CD320: variants seen among roughly 807,000 people sequenced by gnomAD.
CD320 encodes CD320 antigen.
CD320 carries 16 observed loss-of-function variants against 22.1 expected under a neutral mutation model. The ratio of observed to expected loss-of-function variants is 0.73; its 90% CI spans 0.49 to 1.10. CD320 has a LOEUF of 1.10. Ranked by LOEUF, CD320 falls within the 50% of genes least tolerant of loss-of-function variation. CD320 has a pLI of 0.00. For synonymous variants in CD320, 188 were observed against 167.8 expected (o/e 1.12, Z -0.93); for missense variants, 388 against 376.9 (o/e 1.03, Z -0.24).
Position 8,308,098 on chromosome 19 carries a change from G to A in CD320, c.142+51C>T, listed in dbSNP as rs761885354. ...CTAGGCGTTGTCGGTGCGCGGCGGC[G>A]GGGCGAAGCCTCGCGAGGGGTGGGA... On this transcript the variant is annotated intron_variant, in intron 1 of 4. Transcript: ENST00000301458. 28 of 1,420,868 alleles carry A rather than the reference G, an allele frequency of 2.0e-5. No individual in the cohort carries two copies. The South Asian group carries it at 4.0e-4, about 20-fold the overall frequency. The allele number at this position is 1,420,868 out of a possible 1,614,324, so 88.0% of individuals were successfully genotyped here.
At chr19:8,303,397 G>GT (rs1010983863) in intron 3 of CD320, among the ~76,000 whole-genome samples, 12 of 151,952 alleles carry the variant, frequency 7.9e-5, no homozygotes, top group African/African-American at 2.9e-4. Flanking sequence ...GATTACAGGC[G>GT]TTAGCCACCG....
Position 8,302,797 on chromosome 19 carries a change from T to C in CD320, c.686A>G (p.Tyr229Cys), listed in dbSNP as rs769747738. Residue 229 changes from tyrosine to cysteine, a missense_variant, in exon 4 of 5, where the codon TAT becomes TGT. Tyr to Cys is a radical substitution (Grantham distance 194). Coordinates refer to ENST00000301458, the MANE Select transcript of CD320 (RefSeq NM_016579.4). ...AGDQSGSPTA[Y>C]GVIAAAAVLS... is the part of the protein sequence containing the mutation. ...CTTACCAGCAGCTGCAATAACCCCATAGGCAGTTGGGCTTCCAGACTGGTC... is the reference window on the plus strand; with the variant it reads ...CTTACCAGCAGCTGCAATAACCCCACAGGCAGTTGGGCTTCCAGACTGGTC... The C allele has an allele frequency of 4.3e-6, 7 of 1,613,782 alleles. No individual in the cohort carries two copies. Among genetic ancestry groups the C allele is most frequent in the African/African-American group, 1.3e-5 (1 of 74,856 alleles).
At chr19:8,303,088 G>C in intron 3 of CD320, 108 bp from the exon 4 acceptor site, 1 of 674,496 alleles carries the variant, frequency 1.5e-6, no homozygotes, top group Non-Finnish European at 2.4e-6. Context: ...ACCAGGCTGG[G>C]TGAAGCTGAC....
intron 1 of CD320, 121 bp from the exon 2 acceptor site, chr19:8,305,277 C>T: frequency 4.8e-6 from 6 of 1,246,360 alleles, no homozygotes; most frequent in Non-Finnish European, 6.7e-6. Context: ...AGGAACCACA[C>T]TGGCGGCTGC....
At chr19:8,305,273 C>T in intron 1 of CD320, 117 bp from the exon 2 acceptor site, 1 of 1,297,030 alleles carries the variant, frequency 7.7e-7, no homozygotes, top group Non-Finnish European at 1.1e-6. Context: ...ATATAGGAAC[C>T]ACACTGGCGG....
At chr19:8,305,535 GTC>G (rs569485675) in intron 1 of CD320, 1 of 258,150 alleles carries the variant, frequency 3.9e-6, no homozygotes, top group Non-Finnish European at 7.8e-6. Flanking sequence ...TGGAAACCCC[GTC>G]TCTGTTAAAA....
rs1163043647 is a variant in CD320 at position 8,302,596 on chromosome 19, C to T, written c.716G>A (p.Ser239Asn). The change falls in exon 5 of 5, where the codon AGT becomes AAT. Residue 239 changes from serine (S) to asparagine (N), a missense_variant. Physicochemically the swap from Ser to Asn is conservative, Grantham distance 46. Coordinates refer to ENST00000301458, the MANE Select transcript of CD320 (RefSeq NM_016579.4). ...YGVIAAAAVLSASLVTATLLL... is the reference protein window; with the variant it reads ...YGVIAAAAVLNASLVTATLLL... ...GAGGGTGGCGGTGACCAGGCTTGCACTGAGCACCGCTGTGGGGAACAGATG... is the reference window on the plus strand; with the variant it reads ...GAGGGTGGCGGTGACCAGGCTTGCATTGAGCACCGCTGTGGGGAACAGATG... 6.2e-7 allele frequency: 1 copy of T among 1,613,512 alleles called. No homozygotes were observed. Among genetic ancestry groups the T allele is most frequent in the Non-Finnish European group, 8.5e-7 (1 of 1,179,846 alleles).
rs1368294910 is a variant in CD320 at position 8,302,498 on chromosome 19, G to C, written c.814C>G (p.Leu272Val). Residue 272 changes from leucine (L) to valine (V), a missense_variant, in exon 5 of 5, where the codon CTG becomes GTG. By Grantham distance (32) the Leu-to-Val change is conservative. Coordinates refer to ENST00000301458, the MANE Select transcript of CD320 (RefSeq NM_016579.4). ...GAGGTCTTCTGTTCTGACAGCAGCA[G>C]GGACTCCTTCATGGCCACCAGTAAC... ...LGLLVAMKES[L>V]LLSEQKTSLP The C allele has an allele frequency of 6.2e-7, 1 of 1,614,058 alleles. No individual in the cohort carries two copies. Among genetic ancestry groups the C allele is most frequent in the Non-Finnish European group, 8.5e-7 (1 of 1,180,040 alleles).
chr19:8,306,503 G>A (rs1435608687), intron 1 of CD320, among the ~76,000 whole-genome samples: 4 of 152,164 alleles, frequency 2.6e-5, no homozygotes, highest in African/African-American at 4.8e-5. Flanking sequence ...TGGCCTTTAC[G>A]GCTTCCTCCT....
At chr19:8,305,424 G>A (rs1031983726) in intron 1 of CD320, 48 of 415,292 alleles carry the variant, frequency 1.2e-4, no homozygotes, top group Non-Finnish European at 2.0e-4. Flanking sequence ...GCTGGTGGCA[G>A]AGGCTGGGTG....
intron 1 of CD320, among the ~76,000 whole-genome samples, chr19:8,306,567 C>T (rs1290507648): frequency 2.0e-5 from 3 of 152,204 alleles, no homozygotes; most frequent in East Asian, 1.9e-4. Context: ...CTTCACTCTG[C>T]CAAGGCCTTT....
Position 8,302,825 on chromosome 19 carries a change from C to T in CD320, c.658G>A (p.Gly220Arg), listed in dbSNP as rs2336573. Residue 220 changes from glycine to arginine, a missense_variant, in exon 4 of 5, where the codon GGA becomes AGA. By Grantham distance (125) the Gly-to-Arg change is moderately radical. Transcript: ENST00000301458. ...GCAGTTGGGCTTCCAGACTGGTCTC[C>T]GGCAGAGGAGGATGTGGCATTCCCG... Reference protein sequence around the residue: ...SVGNATSSSAGDQSGSPTAYG... With the variant: ...SVGNATSSSARDQSGSPTAYG... The T allele has an allele frequency of 0.05, 81,242 of 1,613,920 alleles. 4,826 individuals carry two copies. Among genetic ancestry groups the T allele is most frequent in the African/African-American group, 0.31 (22,981 of 74,912 alleles).
intron 1 of CD320, among the ~76,000 whole-genome samples, chr19:8,307,603 T>C (rs570448818): frequency 3.3e-5 from 5 of 152,096 alleles, no homozygotes; most frequent in Non-Finnish European, 7.3e-5. Flanking sequence ...CACGGGGGTA[T>C]ATTCAACTTG....
chr19:8,304,592 C>T (rs1179746205), intron 2 of CD320, among the ~76,000 whole-genome samples: 2 of 152,224 alleles, frequency 1.3e-5, no homozygotes, highest in Non-Finnish European at 2.9e-5. Flanking sequence ...ATCCGCCTGC[C>T]TTGGCCTCCC....
At chr19:8,304,148 G>C (rs556058998) in intron 2 of CD320, 60 bp from the exon 3 acceptor site, 7 of 875,982 alleles carry the variant, frequency 8.0e-6, no homozygotes, top group Non-Finnish European at 1.1e-5. Context: ...GGTACTCCCT[G>C]AAACCCCATC....
rs545015889 is a variant in CD320, at chr19:8,307,217, G to C, written c.142+932C>G. Among the ~76,000 whole-genome samples, 41 of 151,830 alleles carry C rather than the reference G, an allele frequency of 2.7e-4. No individual in the cohort carries two copies. In the South Asian group the frequency reaches 8.6e-3, roughly 32 times the overall value. ...TGAGGCATGAGAATTGCTTAAACCC[G>C]GGAGGCGGAGGGTGCAGTGAGCCAA... On this transcript the variant is annotated intron_variant, in intron 1 of 4. Transcript: ENST00000301458.
Position 8,304,048 on chromosome 19 carries a change from G to A in CD320, c.309C>T (p.Pro103=). 1 of 1,556,248 alleles carries A rather than the reference G, an allele frequency of 6.4e-7. No individual in the cohort carries two copies. Among genetic ancestry groups the A allele is most frequent in the Non-Finnish European group, 8.7e-7 (1 of 1,148,616 alleles). ...PCTQKGQCPP[P]PGLPCPCTGV... is the part of the protein sequence containing the mutation. ...CGGTGCAGGGGCAGGGGAGGCCAGG[G>A]GGCGGTGGGCATTGCCCTTTCTGGG... The change falls in exon 3 of 5, where the codon CCC becomes CCT. Residue 103 remains proline, a synonymous_variant. Transcript: ENST00000301458.
chr19:8,303,040 A>C, intron 3 of CD320, 60 bp from the exon 4 acceptor site: 1 of 1,469,246 alleles, frequency 6.8e-7, no homozygotes, highest in African/African-American at 1.4e-5. Context: ...TGAGGGGGCC[A>C]GATGCCCAGG....
At position 8,303,897 on chromosome 19, in the gene CD320, C is replaced by T. The variant is rs1333319573; in HGVS notation, c.460G>A (p.Gly154Ser). The change falls in exon 3 of 5, where the codon GGC (glycine) becomes AGC (serine). Residue 154 changes from glycine to serine, a missense_variant. Gly to Ser is a moderately conservative substitution (Grantham distance 56). Coordinates refer to ENST00000301458, the MANE Select transcript of CD320 (RefSeq NM_016579.4). ...CTGGAGTCGGGACAGTCTGGGTGGCCGTCGCAGCGCCACGTGAGTGGAATG... is the reference window on the plus strand; with the variant it reads ...CTGGAGTCGGGACAGTCTGGGTGGCTGTCGCAGCGCCACGTGAGTGGAATG... The part of the protein sequence containing the change: ...DCIPLTWRCD[G>S]HPDCPDSSDE... The T allele has an allele frequency of 5.6e-6, 9 of 1,605,794 alleles. No individual in the cohort carries two copies. Among genetic ancestry groups the T allele is most frequent in the Middle Eastern group, 1.7e-4 (1 of 6,052 alleles).
Sources: allele counts gnomAD v4.1 joint callset (sites outside exome capture counted in the v4.1 genomes callset), GRCh38; gene constraint gnomAD v4.1.1; transcripts MANE v1.5; gene names NCBI Gene and HGNC (gene_info 2026-07-23, HGNC 2026-07-21).